IFIT3: variants seen among roughly 807,000 people sequenced by gnomAD.
IFIT3 encodes interferon-induced protein with tetratricopeptide repeats 3.
In IFIT3, 2 loss-of-function variants were observed where a neutral mutation model predicts 2.4. That is an observed-to-expected ratio of 0.82 (90% CI 0.34 to 2.60). The LOEUF is 2.60. Ranked by LOEUF, IFIT3 falls within the 30% of genes most tolerant of loss-of-function variation. The probability of loss-of-function intolerance (pLI) is 0.11; values close to 1 mark genes in which losing one functional copy is unlikely to be tolerated. For missense variants in IFIT3, 481 were observed against 562.4 expected (o/e 0.86, Z 1.46); for synonymous variants, 203 against 212.1 (o/e 0.96, Z 0.37).
Position 89,338,976 on chromosome 10 carries a change from G to A in IFIT3, c.321G>A (p.Leu107=), listed in dbSNP as rs1843797473. The part of the protein sequence containing the change: ...WGNYAWVYYH[L]GRLSDAQIYV... ...ACTACGCCTGGGTCTACTATCACTT[G>A]GGCAGACTCTCAGATGCTCAGATTT... The change falls in exon 2 of 2, where the codon TTG becomes TTA. Residue 107 remains leucine (L), a synonymous_variant. Transcript: ENST00000371818. 6.2e-7 allele frequency: 1 copy of A among 1,614,004 alleles called. No homozygotes were observed. Among genetic ancestry groups the A allele is most frequent in the Admixed American group, 1.7e-5 (1 of 60,000 alleles).
rs1254262897 is a variant in IFIT3, at chr10:89,339,528, A to G, written c.873A>G (p.Gln291=). 6.2e-6 allele frequency: 10 copies of G among 1,614,046 alleles called. No individual in the cohort carries two copies. The highest frequency in any genetic ancestry group is 8.5e-6 in the Non-Finnish European group (10 of 1,180,024). Residue 291 remains glutamine, a synonymous_variant, in exon 2 of 2, where the codon CAA becomes CAG. Coordinates refer to ENST00000371818, the MANE Select transcript of IFIT3 (RefSeq NM_001549.6). The part of the protein sequence containing the change: ...IGCCYKAKVR[Q]MQNTGESEAS... ...GCTGCTACAAGGCAAAAGTAAGACAAATGCAGAATACAGGAGAATCTGAAG... is the reference window on the plus strand; with the variant it reads ...GCTGCTACAAGGCAAAAGTAAGACAGATGCAGAATACAGGAGAATCTGAAG...
chr10:89,328,151 G>A, intron 1 of IFIT3, 73 bp downstream of exon 1: 5 of 1,374,114 alleles, frequency 3.6e-6, no homozygotes, highest in Non-Finnish European at 5.2e-6. Flanking sequence ...TTACTGTGCA[G>A]GCACATTCCT....
chr10:89,339,841 G>A lies in IFIT3; in HGVS notation c.1186G>A (p.Glu396Lys), dbSNP rs1843828228. The change falls in exon 2 of 2, where the codon GAA (glutamate) becomes AAA (lysine). Residue 396 changes from glutamate to lysine, a missense_variant. Physicochemically the swap from Glu to Lys is moderately conservative, Grantham distance 56. Transcript: ENST00000371818. ...CATAAGCAAAAAATCAACTGACAAG[G>A]AAGAGATCAAAGACCAACCACAGAA... ...LSISKKSTDK[E>K]EIKDQPQNVS... The A allele has an allele frequency of 6.2e-7, 1 of 1,614,186 alleles. No individual in the cohort carries two copies.
In IFIT3 at chr10:89,339,224, A is replaced by C. The variant is rs1198456823; in HGVS notation, c.569A>C (p.Gln190Pro). Reference protein sequence around the residue: ...MYHLDNHPEKQFSTDVLKQAI... With the variant: ...MYHLDNHPEKPFSTDVLKQAI... ...CATCTGGATAATCACCCAGAGAAACAGTTCTCTACTGATGTTTTGAAGCAG... is the reference window on the plus strand; with the variant it reads ...CATCTGGATAATCACCCAGAGAAACCGTTCTCTACTGATGTTTTGAAGCAG... Residue 190 changes from glutamine to proline, a missense_variant, in exon 2 of 2, where the codon CAG becomes CCG. Coordinates refer to ENST00000371818, the MANE Select transcript of IFIT3 (RefSeq NM_001549.6). The C allele has an allele frequency of 6.2e-7, 1 of 1,614,152 alleles. No individual in the cohort carries two copies. Among genetic ancestry groups the C allele is most frequent in the Non-Finnish European group, 8.5e-7 (1 of 1,179,972 alleles).
chr10:89,331,113 T>C lies in IFIT3; in HGVS notation c.5+3035T>C, dbSNP rs995341770. 6.6e-5 allele frequency among the ~76,000 whole-genome samples: 10 copies of C among 152,250 alleles called. No individual in the cohort carries two copies. The South Asian group carries it at 8.3e-4, about 13-fold the overall frequency. ...TAGAGAAAAATGAGGACTGTTTACATAGGCAAAGACAGAGGTGTTCAACAG... is the reference window on the plus strand; with the variant it reads ...TAGAGAAAAATGAGGACTGTTTACACAGGCAAAGACAGAGGTGTTCAACAG... On this transcript the variant is annotated intron_variant, in intron 1 of 1. Transcript: ENST00000371818.
In IFIT3 at chr10:89,340,163, AGTG is replaced by A. The variant is rs1334314312; in HGVS notation, c.*41_*43del. On this transcript the variant is annotated 3_prime_UTR_variant, in exon 2 of 2. Coordinates refer to ENST00000371818, the MANE Select transcript of IFIT3 (RefSeq NM_001549.6). Reference sequence around the variant, plus strand: ...GGAAAACAGAGCATCAGAAGCCTGCAGTGGTGGTTGTGACGGGTAGGACGATAG... The same window carrying A: ...GGAAAACAGAGCATCAGAAGCCTGCAGTGGTTGTGACGGGTAGGACGATAG... 6.5e-7 allele frequency: 1 copy of A among 1,538,912 alleles called. No individual in the cohort carries two copies. The highest frequency in any genetic ancestry group is 8.7e-7 in the Non-Finnish European group (1 of 1,144,984).
intron 1 of IFIT3, among the ~76,000 whole-genome samples, chr10:89,337,455 A>T (rs1172404360): frequency 2.6e-5 from 4 of 152,126 alleles, no homozygotes; most frequent in African/African-American, 9.7e-5. Context: ...GCTGGAGTGT[A>T]ATGGTGTGAT....
intron 1 of IFIT3, chr10:89,332,455 G>C: frequency 2.7e-6 from 4 of 1,460,528 alleles, no homozygotes; most frequent in Non-Finnish European, 3.6e-6. Context: ...CCCTCAAGAG[G>C]GATCTTGATA....
At chr10:89,333,040 C>T (rs1217288216) in intron 1 of IFIT3, among the ~76,000 whole-genome samples, 1 of 152,222 alleles carries the variant, frequency 6.6e-6, no homozygotes, top group Non-Finnish European at 1.5e-5. Context: ...ACCATGCTTG[C>T]TTCTCAGCAA....
chr10:89,337,404 C>A (rs1589609879), intron 1 of IFIT3, among the ~76,000 whole-genome samples: 1 of 152,012 alleles, frequency 6.6e-6, no homozygotes, highest in South Asian at 2.1e-4. Flanking sequence ...TTTATTCTTA[C>A]TTTTATTTTT....
chr10:89,338,850 T>C lies in IFIT3; in HGVS notation c.195T>C (p.Gly65=), dbSNP rs533567050. 2.1e-5 allele frequency: 34 copies of C among 1,614,008 alleles called. No individual in the cohort carries two copies. The highest frequency in any genetic ancestry group is 6.7e-5 in the Admixed American group (4 of 60,002). ...TGGCCTACATAAAACACCTAGATGG[T>C]AACAACGAGGCAGCCCTGGAATGCT... The part of the protein sequence containing the change: ...NLLAYIKHLD[G]NNEAALECLR... Residue 65 remains glycine (G), a synonymous_variant, in exon 2 of 2, where the codon GGT becomes GGC. Coordinates refer to ENST00000371818, the MANE Select transcript of IFIT3 (RefSeq NM_001549.6).
intron 1 of IFIT3, among the ~76,000 whole-genome samples, chr10:89,337,533 A>G (rs1464235768): frequency 6.6e-6 from 1 of 152,096 alleles, no homozygotes; most frequent in Non-Finnish European, 1.5e-5. Flanking sequence ...CCGAATGGCG[A>G]GGACTACAGG....
intron 1 of IFIT3, among the ~76,000 whole-genome samples, chr10:89,334,478 CTTTTTTTTTTTTTTTTTTTTTTTTTT>C (rs578154457): frequency 9.5e-4 from 24 of 25,342 alleles, no homozygotes; most frequent in African/African-American, 3.9e-3. Flanking sequence ...TTCTTTTATT[CTTTTTTTTTTTTTTTTTTTTTTTTTT>C]TTTTTTTTTG....
intron 1 of IFIT3, chr10:89,335,360 GA>G (rs998756226): frequency 1.3e-5 from 2 of 152,098 alleles, no homozygotes; most frequent in African/African-American, 4.8e-5. Flanking sequence ...CACAAGTCCA[GA>G]AATGTTCAGT....
chr10:89,332,939 T>C (rs184487216), intron 1 of IFIT3, among the ~76,000 whole-genome samples: 46 of 152,322 alleles, frequency 3.0e-4, no homozygotes, highest in African/African-American at 1.1e-3. Context: ...GGAGGGAAGT[T>C]ACTGGAGGTT....
In IFIT3 at chr10:89,338,869, G is replaced by C; in HGVS notation, c.214G>C (p.Glu72Gln). Residue 72 changes from glutamate to glutamine, a missense_variant, in exon 2 of 2, where the codon GAA (glutamate) becomes CAA (glutamine). Physicochemically the swap from Glu to Gln is conservative, Grantham distance 29 (BLOSUM62 2). Coordinates refer to ENST00000371818, the MANE Select transcript of IFIT3 (RefSeq NM_001549.6). ...HLDGNNEAAL[E>Q]CLRQAEELIQ... ...AGATGGTAACAACGAGGCAGCCCTG[G>C]AATGCTTACGGCAAGCTGAAGAGTT... 1.9e-6 allele frequency: 3 copies of C among 1,614,158 alleles called. No individual in the cohort carries two copies. The South Asian group carries it at 3.3e-5, about 18-fold the overall frequency.
intron 1 of IFIT3, among the ~76,000 whole-genome samples, chr10:89,335,015 A>G (rs1463310840): frequency 6.6e-6 from 1 of 152,094 alleles, no homozygotes; most frequent in Admixed American, 6.6e-5. Context: ...AAACCTCCTG[A>G]CCTGTGGCTC....
At chr10:89,332,544 G>A in intron 1 of IFIT3, 1 of 1,613,408 alleles carries the variant, frequency 6.2e-7, no homozygotes. Flanking sequence ...AACCTCTTCA[G>A]CATTTGCTTG....
chr10:89,338,929 A>G lies in IFIT3; in HGVS notation c.274A>G (p.Arg92Gly). The stretch of plus-strand genomic sequence containing the variant: ...AGAACATGCTGACCAAGCAGAAATC[A>G]GAAGTCTAGTCACTTGGGGAAACTA... ...QQEHADQAEI[R>G]SLVTWGNYAW... Residue 92 changes from arginine to glycine, a missense_variant, in exon 2 of 2, where the codon AGA becomes GGA. By Grantham distance (125) the Arg-to-Gly change is moderately radical. Transcript: ENST00000371818. 6.2e-7 allele frequency: 1 copy of G among 1,614,228 alleles called. No homozygotes were observed. Among genetic ancestry groups the G allele is most frequent in the South Asian group, 1.1e-5 (1 of 91,082 alleles).
Sources: gnomAD v4.1 joint callset for allele counts (sites outside exome capture counted in the v4.1 genomes callset) on GRCh38, gnomAD v4.1.1 for gene constraint, MANE v1.5 for transcripts, NCBI Gene and HGNC (gene_info 2026-07-23, HGNC 2026-07-21) for gene names.